Variants in GPC5 observed in about 807,000 individuals in gnomAD.
The protein encoded by GPC5 is glypican 5.
In GPC5, 47 loss-of-function variants were observed where a neutral mutation model predicts 53.9. The observed-to-expected ratio is 0.87, with a 90% confidence interval of 0.69 to 1.11. GPC5 has a LOEUF of 1.11. Ranked by LOEUF, GPC5 falls within the 50% of genes most tolerant of loss-of-function variation. GPC5 has a pLI of 0.00. For missense variants in GPC5, 748 were observed against 713.1 expected (o/e 1.05, Z -0.56); for synonymous variants, 286 against 263.3 (o/e 1.09, Z -0.84).
At chr13:91,441,992 A>G (rs1422111154) in intron 1 of GPC5, among the ~76,000 whole-genome samples, 1 of 152,232 alleles carries the variant, frequency 6.6e-6, no homozygotes, top group Non-Finnish European at 1.5e-5. Context: ...ATGTGCTACA[A>G]TTATAAAAAT....
intron 7 of GPC5, among the ~76,000 whole-genome samples, chr13:92,485,175 T>C (rs895650979): frequency 9.9e-5 from 15 of 152,200 alleles, no homozygotes; most frequent in African/African-American, 3.1e-4. Flanking sequence ...TTTCAAACAC[T>C]AAACCTGTGC....
At chr13:92,730,722 T>G (rs544104548) in intron 7 of GPC5, among the ~76,000 whole-genome samples, 11 of 151,450 alleles carry the variant, frequency 7.3e-5, no homozygotes, top group South Asian at 4.1e-4. Context: ...CCAAGGGCCA[T>G]GTAGAGCAGA....
At chr13:92,787,173 A>G (rs1191426267) in intron 7 of GPC5, among the ~76,000 whole-genome samples, 6 of 152,138 alleles carry the variant, frequency 3.9e-5, no homozygotes, top group Non-Finnish European at 8.8e-5. Flanking sequence ...AGGAAAACTA[A>G]AAGTAAGTAA....
intron 2 of GPC5, among the ~76,000 whole-genome samples, chr13:91,468,298 G>T (rs989726251): frequency 1.3e-5 from 2 of 152,098 alleles, no homozygotes; most frequent in African/African-American, 4.8e-5. Context: ...AAGAATGTTG[G>T]TATGGGTTGA....
intron 7 of GPC5, among the ~76,000 whole-genome samples, chr13:92,790,534 A>C (rs1367288600): frequency 6.6e-6 from 1 of 152,174 alleles, no homozygotes; most frequent in East Asian, 1.9e-4. Context: ...AAGAAAATTA[A>C]GTGTGCTTGT....
chr13:92,681,673 C>T (rs1489562086), intron 7 of GPC5, among the ~76,000 whole-genome samples: 2 of 152,164 alleles, frequency 1.3e-5, no homozygotes, highest in African/African-American at 4.8e-5. Context: ...TCTCGCCCTC[C>T]TAATTCTCAT....
At chr13:91,762,633 C>T (rs1361472788) in intron 5 of GPC5, among the ~76,000 whole-genome samples, 1 of 149,208 alleles carries the variant, frequency 6.7e-6, no homozygotes. Flanking sequence ...ATCAGTTTCT[C>T]ATATCCTTTG....
intron 7 of GPC5, among the ~76,000 whole-genome samples, chr13:92,170,692 TG>T (rs1165215703): frequency 6.6e-6 from 1 of 152,180 alleles, no homozygotes; most frequent in Non-Finnish European, 1.5e-5. Context: ...CCCAAAGTGC[TG>T]GGATTACAGG....
intron 7 of GPC5, among the ~76,000 whole-genome samples, chr13:92,145,661 T>C (rs1333881522): frequency 2.0e-5 from 3 of 152,198 alleles, no homozygotes; most frequent in Non-Finnish European, 2.9e-5. Flanking sequence ...TCCATTGTTA[T>C]CTGCATGCAT....
chr13:92,182,158 C>T (rs912949970), intron 7 of GPC5, among the ~76,000 whole-genome samples: 3 of 152,174 alleles, frequency 2.0e-5, no homozygotes, highest in Admixed American at 6.5e-5. Context: ...CTAATGGTTT[C>T]GGATTATATT....
In GPC5 at chr13:91,872,647, T is replaced by C. The variant is rs1474385578; in HGVS notation, c.1281-35290T>C. Among the ~76,000 whole-genome samples, 3 of 152,126 alleles carry C rather than the reference T, an allele frequency of 2.0e-5. No homozygotes were observed. The South Asian group carries it at 6.2e-4, about 31-fold the overall frequency. On this transcript the variant is annotated intron_variant, in intron 5 of 7. Transcript: ENST00000377067. ...GAATATATCAATATGAAATATAGTA[T>C]TGAAGTTGACTTATTTCTCACAATA...
rs549246312 is a variant in GPC5 at position 91,437,358 on chromosome 13, C to T, written c.164-11403C>T. Reference sequence around the variant, plus strand: ...TCCTTTCCATGTTTAGTGCTTCCTTCGGGAGCTCTTTTAGGGCAGGCCTGG... The same window carrying T: ...TCCTTTCCATGTTTAGTGCTTCCTTTGGGAGCTCTTTTAGGGCAGGCCTGG... On this transcript the variant is annotated intron_variant, in intron 1 of 7. Coordinates refer to ENST00000377067, the MANE Select transcript of GPC5 (RefSeq NM_004466.6). Among the ~76,000 whole-genome samples the T allele has an allele frequency of 1.2e-3, 183 of 152,222 alleles. 2 individuals are homozygous for T. The Middle Eastern group carries it at 0.024, about 20-fold the overall frequency.
intron 7 of GPC5, among the ~76,000 whole-genome samples, chr13:92,830,958 T>A (rs1878025927): frequency 6.6e-6 from 1 of 152,232 alleles, no homozygotes; most frequent in Non-Finnish European, 1.5e-5. Flanking sequence ...CAGTGGTACT[T>A]GGCTGTTTCA....
rs781127636 is a variant in GPC5, at chr13:91,874,026, C to T, written c.1281-33911C>T. 5.3e-5 allele frequency among the ~76,000 whole-genome samples: 8 copies of T among 152,088 alleles called. No homozygotes were observed. The East Asian group carries it at 9.6e-4, about 18-fold the overall frequency. On this transcript the variant is annotated intron_variant, in intron 5 of 7. Coordinates refer to ENST00000377067, the MANE Select transcript of GPC5 (RefSeq NM_004466.6). Reference sequence around the variant, plus strand: ...CTCTGGGCCTCAGTTTCCTGATCTCCGAAATGTGAATCCATATCTCCATGT... The same window carrying T: ...CTCTGGGCCTCAGTTTCCTGATCTCTGAAATGTGAATCCATATCTCCATGT...
At chr13:92,369,768 G>A (rs2043635496) in intron 7 of GPC5, among the ~76,000 whole-genome samples, 1 of 152,118 alleles carries the variant, frequency 6.6e-6, no homozygotes, top group Non-Finnish European at 1.5e-5. Context: ...CTTTGCCTGT[G>A]TTGTATTACA....
At chr13:91,407,402 A>T (rs1401220102) in intron 1 of GPC5, among the ~76,000 whole-genome samples, 3 of 152,358 alleles carry the variant, frequency 2.0e-5, no homozygotes, top group East Asian at 3.9e-4. Context: ...AAAGAAAATT[A>T]TTTAACATCT....
intron 4 of GPC5, among the ~76,000 whole-genome samples, chr13:91,749,531 G>T (rs772323332): frequency 2.0e-5 from 3 of 152,114 alleles, no homozygotes; most frequent in Non-Finnish European, 4.4e-5. Context: ...TTTCCTTTGG[G>T]TAAATACCAA....
chr13:91,716,948 G>T (rs2036351270), intron 3 of GPC5, among the ~76,000 whole-genome samples: 1 of 152,138 alleles, frequency 6.6e-6, no homozygotes, highest in South Asian at 2.1e-4. Flanking sequence ...GAGAGGGATT[G>T]GTAGTTACTG....
chr13:92,253,882 G>A (rs1225253074), intron 7 of GPC5, among the ~76,000 whole-genome samples: 1 of 151,998 alleles, frequency 6.6e-6, no homozygotes, highest in Non-Finnish European at 1.5e-5. Context: ...AATAAATTAG[G>A]ATAGTTTGAA....
Sources: allele counts gnomAD v4.1 joint callset (sites outside exome capture counted in the v4.1 genomes callset), GRCh38; gene constraint gnomAD v4.1.1; transcripts MANE v1.5; gene names NCBI Gene and HGNC (gene_info 2026-07-23, HGNC 2026-07-21).